The following TASOR2 variants were observed in gnomAD, a reference collection of about 807,000 sequenced individuals.
The protein encoded by TASOR2 is transcription activation suppressor family member 2.
A neutral mutation model predicts 199.5 loss-of-function variants in TASOR2; 84 were observed. The ratio of observed to expected loss-of-function variants is 0.42; its 90% CI spans 0.35 to 0.50. TASOR2 has a LOEUF of 0.50. Among genes scored for constraint, TASOR2 ranks in the 20% least tolerant of loss-of-function variants. TASOR2 has a pLI of 0.02. For missense variants in TASOR2, 2,796 were observed against 2,835.9 expected (o/e 0.99, Z 0.32); for synonymous variants, 1,103 against 1,046.6 (o/e 1.05, Z -1.04).
intron 19 of TASOR2, 105 bp from the exon 21 acceptor site, chr10:5,762,427 A>AC: frequency 5.3e-6 from 2 of 380,880 alleles, no homozygotes; most frequent in Non-Finnish European, 9.5e-6. Context: ...CCTACCCCTC[A>AC]CACGAGGAAG....
intron 10 of TASOR2, among the ~76,000 whole-genome samples, chr10:5,729,420 G>T (rs1834495934): frequency 6.6e-6 from 1 of 152,078 alleles, no homozygotes. Context: ...AAAACGTTGT[G>T]CCCGGAGTGG....
chr10:5,761,848 A>G, intron 19 of TASOR2: 1 of 157,086 alleles, frequency 6.4e-6, no homozygotes, highest in Non-Finnish European at 1.4e-5. Flanking sequence ...AGCCTAGCCA[A>G]CATGGTGAAA....
chr10:5,725,273 C>T (rs773944720), intron 8 of TASOR2, among the ~76,000 whole-genome samples: 10 of 151,904 alleles, frequency 6.6e-5, no homozygotes, highest in Non-Finnish European at 1.3e-4. Flanking sequence ...CGCCTGTAGT[C>T]CCAGCTACTT....
intron 18 of TASOR2, chr10:5,760,813 A>G (rs1839701184): frequency 6.6e-6 from 1 of 152,608 alleles, no homozygotes. Flanking sequence ...ACGGGAGTCG[A>G]GCAGAGACAG....
At position 5,730,038 on chromosome 10, in the gene TASOR2, C is replaced by G. The variant is rs1171739057; in HGVS notation, c.488-449C>G. On this transcript the variant is annotated intron_variant, in intron 10 of 20. Transcript: ENST00000328090. The surrounding 1 kb of genome is among the most constrained non-coding windows in gnomAD (Gnocchi z 4.1). ...CTTTTTTCAGTTCAGTTGACTTGCA[C>G]TAACTTCTGAAAAGAATTTGAAGTG... is the stretch of plus-strand genomic sequence containing the variant. Among the ~76,000 whole-genome samples the G allele has an allele frequency of 6.6e-6, 1 of 152,176 alleles. No individual in the cohort carries two copies. Among genetic ancestry groups the G allele is most frequent in the Non-Finnish European group, 1.5e-5 (1 of 68,044 alleles).
rs1835888263 is a variant in TASOR2, at chr10:5,687,055, G to A, written c.-288+1880G>A. Among the ~76,000 whole-genome samples the A allele has an allele frequency of 6.6e-6, 1 of 152,108 alleles. No homozygotes were observed. The highest frequency in any genetic ancestry group is 1.5e-5 in the Non-Finnish European group (1 of 68,032). ...TTTATTTGAGTTTTTCCTTCTAAGA[G>A]AATATGTACATCTCCCTTTTCTTTA... On this transcript the variant is annotated intron_variant, in intron 1 of 20. Transcript: ENST00000328090. The surrounding 1 kb of genome is among the most constrained non-coding windows in gnomAD (Gnocchi z 4.8).
Position 5,730,156 on chromosome 10 carries a change from A to G in TASOR2, c.488-331A>G, listed in dbSNP as rs1446121196. On this transcript the variant is annotated intron_variant, in intron 10 of 20. Coordinates refer to ENST00000328090, the Ensembl canonical transcript of TASOR2. This position sits in a 1 kb window ranked among gnomAD's most constrained non-coding sequence, Gnocchi z 4.1. Reference sequence around the variant, plus strand: ...TCTGCCAGCTCTAAAGACCAGTGGTACTGCTGTGATGAACCATTGAGCTCA... The same window carrying G: ...TCTGCCAGCTCTAAAGACCAGTGGTGCTGCTGTGATGAACCATTGAGCTCA... Among the ~76,000 whole-genome samples the G allele has an allele frequency of 6.6e-6, 1 of 152,218 alleles. No homozygotes were observed. The highest frequency in any genetic ancestry group is 2.4e-5 in the African/African-American group (1 of 41,458).
At chr10:5,715,534 TG>T (rs1832514540) in intron 2 of TASOR2, among the ~76,000 whole-genome samples, 1 of 152,226 alleles carries the variant, frequency 6.6e-6, no homozygotes, top group Non-Finnish European at 1.5e-5. Context: ...TAAGGCATAT[TG>T]TAGCATGAAC....
rs1273398275 is a variant in TASOR2 at position 5,685,425 on chromosome 10, G to A, written c.-288+250G>A. Among the ~76,000 whole-genome samples, 1 of 152,140 alleles carries A rather than the reference G, an allele frequency of 6.6e-6. No homozygotes were observed. Among genetic ancestry groups the A allele is most frequent in the African/African-American group, 2.4e-5 (1 of 41,438 alleles). ...AGGGAGATCCTAACCGTGTCATCTT[G>A]CCCCTTTCTGAGGCGTTTCGTTTGC... On this transcript the variant is annotated intron_variant, in intron 1 of 20. Transcript: ENST00000328090. The surrounding 1 kb of genome is among the most constrained non-coding windows in gnomAD (Gnocchi z 5.4).
intron 1 of TASOR2, among the ~76,000 whole-genome samples, chr10:5,707,734 A>G (rs1276527945): frequency 0.057 from 443 of 7,712 alleles, 4 homozygotes; most frequent in Admixed American, 0.095. Flanking sequence ...TTTCACACAC[A>G]CACACACACA....
At chr10:5,721,261 A>G (rs1469032395) in intron 6 of TASOR2, among the ~76,000 whole-genome samples, 2 of 152,242 alleles carry the variant, frequency 1.3e-5, no homozygotes, top group Non-Finnish European at 2.9e-5. Flanking sequence ...AATATAGCAG[A>G]TTATAGCCAC....
At position 5,720,267 on chromosome 10, in the gene TASOR2, T is replaced by G; in HGVS notation, c.-99-277T>G. Reference sequence around the variant, plus strand: ...TTAATATTTTCATTCTAGGGAAAAGTCAAGTTTGTGTCTGAGAATTATACA... The same window carrying G: ...TTAATATTTTCATTCTAGGGAAAAGGCAAGTTTGTGTCTGAGAATTATACA... On this transcript the variant is annotated intron_variant, in intron 3 of 20. Transcript: ENST00000328090. This position sits in a 1 kb window ranked among gnomAD's most constrained non-coding sequence, Gnocchi z 5.3. 1 of 985,384 alleles carries G rather than the reference T, an allele frequency of 1.0e-6. No homozygotes were observed. The highest frequency in any genetic ancestry group is 1.2e-6 in the Non-Finnish European group (1 of 829,882). 61.0% of individuals were successfully genotyped at this position (985,384 alleles called of 1,614,324 possible). A position where few individuals can be genotyped will look rare whatever the true frequency, so the allele number is the denominator to read the frequency against.
chr10:5,723,803 A>G (rs912388336), intron 7 of TASOR2, 26 bp downstream of exon 8: 18 of 1,485,852 alleles, frequency 1.2e-5, no homozygotes, highest in Non-Finnish European at 1.6e-5. Context: ...ATAACACGCT[A>G]CTTGTCCTGG....
chr10:5,757,915 G>A (rs115681269), intron 17 of TASOR2, among the ~76,000 whole-genome samples: 10 of 151,862 alleles, frequency 6.6e-5, no homozygotes, highest in Non-Finnish European at 1.0e-4. Flanking sequence ...CCTCCCTCTC[G>A]GTAGTGCAGC....
At chr10:5,746,966 A>T (rs1588874497) in exon 15 of TASOR2, 1 of 1,614,188 alleles carries the variant, frequency 6.2e-7, no homozygotes, top group East Asian at 2.2e-5. Flanking sequence ...TGCACTCAGG[A>T]TTTCCTTTCA....
At chr10:5,739,262 A>C (rs533285690) in intron 12 of TASOR2, among the ~76,000 whole-genome samples, 1 of 152,162 alleles carries the variant, frequency 6.6e-6, no homozygotes, top group African/African-American at 2.4e-5. Context: ...TTGTTTGTAC[A>C]TTTTTTGAGC....
chr10:5,745,950 G>A (rs1193626142), intron 14 of TASOR2, among the ~76,000 whole-genome samples: 2 of 152,146 alleles, frequency 1.3e-5, no homozygotes, highest in South Asian at 2.1e-4. Context: ...TCTCTTCTGT[G>A]TGTGGTTTTA....
rs966355800 is a variant in TASOR2, at chr10:5,710,671, T to A, written c.-287-2152T>A. ...TATGTAACTTAAATCTGTGCCTACC[T>A]ATTAATGACTTACAGAATTTAGAGA... On this transcript the variant is annotated intron_variant, in intron 1 of 20. Transcript: ENST00000328090. The surrounding 1 kb of genome is among the most constrained non-coding windows in gnomAD (Gnocchi z 4.6). Among the ~76,000 whole-genome samples, 2 of 152,124 alleles carry A rather than the reference T, an allele frequency of 1.3e-5. No homozygotes were observed. The highest frequency in any genetic ancestry group is 4.8e-5 in the African/African-American group (2 of 41,450).
chr10:5,754,177 C>T lies in TASOR2; in HGVS notation c.6607-2436C>T, dbSNP rs1028584690. Among the ~76,000 whole-genome samples the T allele has an allele frequency of 2.6e-5, 4 of 151,984 alleles. No individual in the cohort carries two copies. Among genetic ancestry groups the T allele is most frequent in the Non-Finnish European group, 4.4e-5 (3 of 67,992 alleles). ...AAAATTAGCCGGGTGTGGCGGCGCG[C>T]GCTTGTGGTACTCGGGAGGCTAAGG... On this transcript the variant is annotated intron_variant, in intron 15 of 20. Coordinates refer to ENST00000328090, the Ensembl canonical transcript of TASOR2. The surrounding 1 kb of genome is among the most constrained non-coding windows in gnomAD (Gnocchi z 4.3).
Sources: gnomAD v4.1 joint callset for allele counts (sites outside exome capture counted in the v4.1 genomes callset) on GRCh38, gnomAD v4.1.1 for gene constraint, Gnocchi (gnomAD v3.1) non-coding constraint, MANE v1.5 for transcripts, NCBI Gene and HGNC (gene_info 2026-07-23, HGNC 2026-07-21) for gene names.